The following RIPOR2 variants were observed in gnomAD, a reference collection of about 807,000 sequenced individuals.
The protein encoded by RIPOR2 is RHO family interacting cell polarization regulator 2.
A neutral mutation model predicts 114.5 loss-of-function variants in RIPOR2; 39 were observed. The ratio of observed to expected loss-of-function variants is 0.34; its 90% confidence interval spans 0.26 to 0.44. RIPOR2 has a LOEUF of 0.44. Among genes scored for constraint, RIPOR2 ranks in the 20% least tolerant of loss-of-function variants. RIPOR2 has a pLI of 1.00. For synonymous variants in RIPOR2, 445 were observed against 484.4 expected (o/e 0.92, Z 1.07); for missense variants, 1,007 against 1,255.1 (o/e 0.80, Z 2.99).
At chr6:25,018,967 A>G (rs994794584) in intron 1 of RIPOR2, among the ~76,000 whole-genome samples, 6 of 152,210 alleles carry the variant, frequency 3.9e-5, no homozygotes, top group African/African-American at 1.4e-4. Flanking sequence ...TGTTACTCAT[A>G]TACCTATTAG....
At chr6:24,977,654 C>T (rs1331375886) in intron 1 of RIPOR2, among the ~76,000 whole-genome samples, 1 of 152,060 alleles carries the variant, frequency 6.6e-6, no homozygotes, top group Non-Finnish European at 1.5e-5. Flanking sequence ...AGCCAGGTCC[C>T]GTCACTGGCC....
Position 24,839,250 on chromosome 6 carries a change from C to T in RIPOR2, c.1880G>A (p.Ser627Asn), listed in dbSNP as rs777666678. Reference protein sequence around the residue: ...ILKCKPAVSRSRSSSLSLTVE... With the variant: ...ILKCKPAVSRNRSSSLSLTVE... ...TGTGAGACTTAAACTGGAAGACCTG[C>T]TGCGGCTTACTGCTGGCTTGCACTG... Residue 627 changes from serine (S) to asparagine (N), a missense_variant, in exon 14 of 22, where the codon AGC (serine) becomes AAC (asparagine). Transcript: ENST00000643898. The T allele has an allele frequency of 6.4e-5, 99 of 1,551,750 alleles. No individual in the cohort carries two copies. Among genetic ancestry groups the T allele is most frequent in the Non-Finnish European group, 8.2e-5 (94 of 1,146,988 alleles).
intron 1 of RIPOR2, among the ~76,000 whole-genome samples, chr6:24,985,759 G>A (rs1352570095): frequency 1.3e-5 from 2 of 152,154 alleles, no homozygotes; most frequent in South Asian, 2.1e-4. Context: ...TGATGTACAG[G>A]GTACTTGCAT....
intron 1 of RIPOR2, among the ~76,000 whole-genome samples, chr6:24,969,707 C>T (rs1773691994): frequency 6.6e-6 from 1 of 152,142 alleles, no homozygotes; most frequent in African/African-American, 2.4e-5. Context: ...CTTCACTTCC[C>T]TCCACTCTCC....
chr6:24,979,286 T>TC (rs1554127386), intron 1 of RIPOR2, among the ~76,000 whole-genome samples: 1 of 98,272 alleles, frequency 1.0e-5, no homozygotes, highest in East Asian at 9.5e-4. Context: ...GGAAATTCTT[T>TC]TTTTTTTTTT....
At chr6:24,940,993 A>G (rs1429725397) in intron 1 of RIPOR2, among the ~76,000 whole-genome samples, 2 of 152,114 alleles carry the variant, frequency 1.3e-5, no homozygotes, top group Non-Finnish European at 2.9e-5. Flanking sequence ...TTCATGTTGC[A>G]AAGAGGAGGT....
chr6:24,967,507 A>G (rs9467369), intron 1 of RIPOR2, among the ~76,000 whole-genome samples: 11,903 of 152,214 alleles, frequency 0.078, 990 homozygotes, highest in African/African-American at 0.21. Context: ...TCAAGATCAC[A>G]CAGCTGGTGA....
chr6:24,952,316 C>T (rs1772818103), intron 1 of RIPOR2, among the ~76,000 whole-genome samples: 1 of 152,166 alleles, frequency 6.6e-6, no homozygotes, highest in African/African-American at 2.4e-5. Flanking sequence ...TCCATTCATC[C>T]AGCCAGTCAG....
Position 25,037,724 on chromosome 6 carries a change from G to A in RIPOR2, c.76+4127C>T, listed in dbSNP as rs986406876. ...TTACAGATTCTGGGGGTGAAAGGAAGAAGTGAGGAAGGCTTAGGGAAGATG... is the reference window on the plus strand; with the variant it reads ...TTACAGATTCTGGGGGTGAAAGGAAAAAGTGAGGAAGGCTTAGGGAAGATG... On this transcript the variant is annotated intron_variant, in intron 1 of 13. Coordinates refer to the RIPOR2 transcript ENST00000510784. The surrounding 1 kb of genome is among the most constrained non-coding windows in gnomAD (Gnocchi z 4.5). Among the ~76,000 whole-genome samples the A allele has an allele frequency of 2.0e-4, 31 of 152,202 alleles. No homozygotes were observed. Among genetic ancestry groups the A allele is most frequent in the African/African-American group, 7.5e-4 (31 of 41,460 alleles).
At chr6:24,806,762 C>T (rs186715720) in intron 21 of RIPOR2, among the ~76,000 whole-genome samples, 4 of 152,120 alleles carry the variant, frequency 2.6e-5, no homozygotes, top group Middle Eastern at 3.4e-3. Context: ...TTCATATAAT[C>T]GATTTATTTT....
chr6:24,834,083 C>T (rs1363678132), intron 15 of RIPOR2, among the ~76,000 whole-genome samples: 1 of 148,466 alleles, frequency 6.7e-6, no homozygotes, highest in Non-Finnish European at 1.5e-5. Flanking sequence ...CTGTTTTGAT[C>T]AGAAAAAAAA....
intron 4 of RIPOR2, among the ~76,000 whole-genome samples, chr6:24,871,965 C>T (rs1765223134): frequency 6.6e-6 from 1 of 152,142 alleles, no homozygotes; most frequent in South Asian, 2.1e-4. Context: ...AAATTTTTAA[C>T]ATTGATAAAG....
At chr6:24,999,351 C>A (rs908382496) in intron 1 of RIPOR2, among the ~76,000 whole-genome samples, 1 of 152,080 alleles carries the variant, frequency 6.6e-6, no homozygotes, top group African/African-American at 2.4e-5. Context: ...GAAAAGTGGG[C>A]GGCATGACAA....
chr6:24,855,725 T>C (rs1390995392), intron 8 of RIPOR2, among the ~76,000 whole-genome samples: 2 of 152,226 alleles, frequency 1.3e-5, no homozygotes, highest in African/African-American at 4.8e-5. Context: ...CTTCTACAAA[T>C]AGCCCTGTTA....
At chr6:24,927,152 C>T (rs867526251) in intron 1 of RIPOR2, among the ~76,000 whole-genome samples, 15 of 111,840 alleles carry the variant, frequency 1.3e-4, no homozygotes, top group Non-Finnish European at 1.9e-4. Flanking sequence ...ACCACCACCA[C>T]CACCACCACA....
intron 1 of RIPOR2, among the ~76,000 whole-genome samples, chr6:24,969,568 C>A (rs1412069928): frequency 6.6e-6 from 1 of 152,128 alleles, no homozygotes; most frequent in Non-Finnish European, 1.5e-5. Context: ...CCCCAATGTG[C>A]AAACTTGAAT....
chr6:24,872,977 G>A lies in RIPOR2; in HGVS notation c.345-18C>T, dbSNP rs747138990. ...GATATTCACTGCAAAGATAAGACAAGATGTAATCGTAATCTCTGCGCCTGT... is the reference window on the plus strand; with the variant it reads ...GATATTCACTGCAAAGATAAGACAAAATGTAATCGTAATCTCTGCGCCTGT... On this transcript the variant is annotated intron_variant, in intron 3 of 21. Transcript: ENST00000643898. 161 of 1,554,316 alleles carry A rather than the reference G, an allele frequency of 1.0e-4. No homozygotes were observed. The highest frequency in any genetic ancestry group is 1.3e-4 in the Non-Finnish European group (144 of 1,126,152).
chr6:24,958,759 G>A (rs571211486), intron 1 of RIPOR2, among the ~76,000 whole-genome samples: 2 of 152,094 alleles, frequency 1.3e-5, no homozygotes, highest in African/African-American at 4.8e-5. Flanking sequence ...CAAACTGGGT[G>A]GCTGAAACCA....
At chr6:24,932,918 C>T (rs1406522822) in intron 1 of RIPOR2, among the ~76,000 whole-genome samples, 1 of 152,144 alleles carries the variant, frequency 6.6e-6, no homozygotes, top group African/African-American at 2.4e-5. Flanking sequence ...GTAGATACAT[C>T]ATTTTGAAGT....
Sources: gnomAD v4.1 joint callset for allele counts (sites outside exome capture counted in the v4.1 genomes callset) on GRCh38, gnomAD v4.1.1 for gene constraint, Gnocchi (gnomAD v3.1) non-coding constraint, MANE v1.5 for transcripts, NCBI Gene and HGNC (gene_info 2026-07-23, HGNC 2026-07-21) for gene names.